The following TXNRD2 variants were observed in gnomAD, a reference collection of about 807,000 sequenced individuals.
The protein encoded by TXNRD2 is thioredoxin reductase 2, also known as thioredoxin reductase 2, mitochondrial.
In TXNRD2, 67 loss-of-function variants were observed where a neutral mutation model predicts 70.8. That is an observed-to-expected ratio of 0.95 (90% CI 0.78 to 1.16). The LOEUF is 1.16. TXNRD2 is among the 50% of genes most tolerant of loss of function. The pLI, the probability that TXNRD2 is intolerant of heterozygous loss-of-function variation, is 0.00. For synonymous variants in TXNRD2, 301 were observed against 295.8 expected, an observed-to-expected ratio of 1.02 and a Z score of -0.18; for missense variants, 644 against 719.9, an observed-to-expected ratio of 0.89 and a Z score of 1.21.
chr22:19,895,508 C>T lies in TXNRD2; in HGVS notation c.848G>A (p.Arg283Gln), dbSNP rs531699366. 33 of 1,613,906 alleles carry T rather than the reference C, an allele frequency of 2.0e-5. No homozygotes were observed. Among genetic ancestry groups the T allele is most frequent in the South Asian group, 1.4e-4 (13 of 91,090 alleles). Residue 283 changes from arginine to glutamine, a missense_variant, in exon 11 of 18, where the codon CGG (arginine) becomes CAG (glutamine). Around this residue, in one of 3 missense-constraint regions of TXNRD2, gnomAD observed 566 missense variants for 645.0 expected, o/e 0.88. Coordinates refer to ENST00000400521, the MANE Select transcript of TXNRD2 (RefSeq NM_006440.5). Reference sequence around the variant, plus strand: ...CTGGCCATCAGGGAGCCTCCTGACCCGCGAGGGGGCACAGCCCCTCAGGAA... The same window carrying T: ...CTGGCCATCAGGGAGCCTCCTGACCTGCGAGGGGGCACAGCCCCTCAGGAA... ...TRFLRGCAPS[R>Q]VRRLPDGQLQ...
chr22:19,892,518 T>C (rs1939310673), intron 11 of TXNRD2, among the ~76,000 whole-genome samples: 1 of 152,230 alleles, frequency 6.6e-6, no homozygotes, highest in African/African-American at 2.4e-5. Context: ...CAAGGGAGGA[T>C]GGGCGTGCAG....
At chr22:19,895,895 G>C (rs1939484751) in intron 10 of TXNRD2, among the ~76,000 whole-genome samples, 1 of 152,226 alleles carries the variant, frequency 6.6e-6, no homozygotes, top group Non-Finnish European at 1.5e-5. Flanking sequence ...CTTTTGGGAG[G>C]CTGAAGTGGG....
intron 1 of TXNRD2, among the ~76,000 whole-genome samples, chr22:19,932,771 G>C (rs1941414543): frequency 1.3e-5 from 2 of 152,194 alleles, no homozygotes; most frequent in African/African-American, 4.8e-5. Flanking sequence ...CTTCAGACAA[G>C]GCCAAGAGGT....
chr22:19,889,505 G>C (rs888584032), intron 11 of TXNRD2, among the ~76,000 whole-genome samples: 3 of 152,186 alleles, frequency 2.0e-5, no homozygotes, highest in African/African-American at 7.2e-5. Context: ...CAGCTACTTG[G>C]AAGGCTGAGG....
intron 8 of TXNRD2, among the ~76,000 whole-genome samples, chr22:19,906,083 C>T (rs890229781): frequency 7.2e-5 from 11 of 151,808 alleles, no homozygotes; most frequent in African/African-American, 1.9e-4. Context: ...GCACCACAAG[C>T]GACAGAGGAT....
chr22:19,920,884 C>T (rs999952011), intron 2 of TXNRD2, among the ~76,000 whole-genome samples: 2 of 152,194 alleles, frequency 1.3e-5, no homozygotes, highest in East Asian at 1.9e-4. Context: ...GGGCAGATCA[C>T]GAGGGCAGGA....
chr22:19,914,562 T>C lies in TXNRD2; in HGVS notation c.591+652A>G, dbSNP rs115329548. 4.8e-3 allele frequency among the ~76,000 whole-genome samples: 733 copies of C among 152,304 alleles called. 6 individuals carry two copies. Among genetic ancestry groups the C allele is most frequent in the African/African-American group, 0.017 (709 of 41,574 alleles). On this transcript the variant is annotated intron_variant, in intron 7 of 17. Transcript: ENST00000400521. Reference sequence around the variant, plus strand: ...CAGTTACATGAGAAGGACTTACATGTACGATTTCACTTACACGAGGTGCCT... The same window carrying C: ...CAGTTACATGAGAAGGACTTACATGCACGATTTCACTTACACGAGGTGCCT...
chr22:19,936,770 G>A lies in TXNRD2; in HGVS notation c.103+4931C>T, dbSNP rs530144836. Among the ~76,000 whole-genome samples, 51 of 152,116 alleles carry A rather than the reference G, an allele frequency of 3.4e-4. 1 individual carries two copies. In the South Asian group the frequency reaches 6.0e-3, roughly 18 times the overall value. On this transcript the variant is annotated intron_variant, in intron 1 of 17. Coordinates refer to ENST00000400521, the MANE Select transcript of TXNRD2 (RefSeq NM_006440.5). ...CACACTCTTATACCAGTCCGACCCC[G>A]TCAATCTCAGTTTCTCTTATCTATA...
chr22:19,918,914 A>T lies in TXNRD2; in HGVS notation c.320T>A (p.Ile107Asn). 1 of 1,612,870 alleles carries T rather than the reference A, an allele frequency of 6.2e-7. No individual in the cohort carries two copies. Among genetic ancestry groups the T allele is most frequent in the Non-Finnish European group, 8.5e-7 (1 of 1,179,946 alleles). Reference protein sequence around the residue: ...MHQAALLGGLIQDAPNYGWEV... With the variant: ...MHQAALLGGLNQDAPNYGWEV... ...CCAGCCATAGTTGGGGGCATCTTGGATCAGGCCTCCCAGCAGTGCCGCCTG... is the reference window on the plus strand; with the variant it reads ...CCAGCCATAGTTGGGGGCATCTTGGTTCAGGCCTCCCAGCAGTGCCGCCTG... Residue 107 changes from isoleucine to asparagine, a missense_variant, in exon 4 of 18, where the codon ATC becomes AAC. By Grantham distance (149) the Ile-to-Asn change is moderately radical. This residue lies in a region of TXNRD2 where 566 missense variants were observed against 645.0 expected (regional missense o/e 0.88). Transcript: ENST00000400521.
intron 7 of TXNRD2, among the ~76,000 whole-genome samples, chr22:19,912,082 C>T (rs922032874): frequency 2.0e-5 from 3 of 152,104 alleles, no homozygotes; most frequent in African/African-American, 4.8e-5. Context: ...TTCACACTCT[C>T]GAGGGCTGGC....
chr22:19,907,926 CACCA>C (rs1940138882), intron 8 of TXNRD2, among the ~76,000 whole-genome samples: 1 of 75,482 alleles, frequency 1.3e-5, no homozygotes, highest in Non-Finnish European at 2.5e-5. Context: ...AGTGTGGGCA[CACCA>C]TGGGTAGCAG....
intron 1 of TXNRD2, among the ~76,000 whole-genome samples, chr22:19,938,827 T>G (rs1941612049): frequency 6.6e-6 from 1 of 152,144 alleles, no homozygotes; most frequent in Non-Finnish European, 1.5e-5. Context: ...TTACTAAACC[T>G]CTTCAAGTTA....
At chr22:19,917,027 TG>T (rs1940668908) in intron 5 of TXNRD2, among the ~76,000 whole-genome samples, 1 of 152,214 alleles carries the variant, frequency 6.6e-6, no homozygotes, top group Non-Finnish European at 1.5e-5. Flanking sequence ...CTGTCTGAGC[TG>T]CGTGAAGTTC....
rs139189649 is a variant in TXNRD2, at chr22:19,901,235, G to A, written c.663-2167C>T. On this transcript the variant is annotated intron_variant, in intron 8 of 17. Transcript: ENST00000400521. ...CAGGTGACTCTCCAGGCCCTCCCTC[G>A]GAGTCCCCCAGTGCCCGGGCCTCCT... Among the ~76,000 whole-genome samples the A allele has an allele frequency of 4.7e-3, 719 of 152,270 alleles. 5 individuals carry two copies. The highest frequency in any genetic ancestry group is 0.016 in the African/African-American group (671 of 41,560).
intron 4 of TXNRD2, 42 bp downstream of exon 4, chr22:19,918,818 G>A: frequency 1.2e-6 from 2 of 1,600,194 alleles, no homozygotes; most frequent in South Asian, 2.2e-5. Context: ...CCACCCAAGA[G>A]TAGAAGAAAA....
chr22:19,915,944 G>A (rs1395977583), intron 5 of TXNRD2, 101 bp from the exon 6 acceptor site: 11 of 1,057,564 alleles, frequency 1.0e-5, no homozygotes, highest in Middle Eastern at 2.0e-4. Flanking sequence ...CCAGCCCCCA[G>A]CAGGGCCTGG....
intron 8 of TXNRD2, among the ~76,000 whole-genome samples, chr22:19,902,452 C>T (rs1272719294): frequency 6.6e-6 from 1 of 152,204 alleles, no homozygotes; most frequent in African/African-American, 2.4e-5. Context: ...AGAGGGAATA[C>T]TCACACAAAG....
chr22:19,902,465 A>G (rs972774343), intron 8 of TXNRD2, among the ~76,000 whole-genome samples: 1 of 152,184 alleles, frequency 6.6e-6, no homozygotes, highest in East Asian at 1.9e-4. Context: ...ACACAAAGTG[A>G]GTCTCATGGG....
intron 14 of TXNRD2, among the ~76,000 whole-genome samples, chr22:19,879,240 G>A (rs1184684403): frequency 6.6e-6 from 1 of 152,206 alleles, no homozygotes; most frequent in African/African-American, 2.4e-5. Context: ...CAGGGGGAAG[G>A]GGCCAGCCCT....
Sources: allele counts gnomAD v4.1 joint callset (sites outside exome capture counted in the v4.1 genomes callset), GRCh38; gene constraint gnomAD v4.1.1; regional missense constraint gnomAD v4.1.1; transcripts MANE v1.5; gene names NCBI Gene and HGNC (gene_info 2026-07-23, HGNC 2026-07-21).